SPON1: variants seen among roughly 807,000 people sequenced by gnomAD.
The protein encoded by SPON1 is spondin-1.
SPON1 carries 52 observed loss-of-function variants against 111.7 expected under a neutral mutation model. That is an observed-to-expected ratio of 0.47 (90% CI 0.37 to 0.59). The LOEUF (loss-of-function observed/expected upper bound fraction) is 0.59, where lower values mean the gene tolerates loss of function less well. Ranked by LOEUF, SPON1 falls within the 20% of genes least tolerant of loss-of-function variation. The pLI is 0.00. For synonymous variants in SPON1, 410 were observed against 395.8 expected, an observed-to-expected ratio of 1.04 and a Z score of -0.43; for missense variants, 957 against 1,068.5, an observed-to-expected ratio of 0.90 and a Z score of 1.46.
intron 5 of SPON1, among the ~76,000 whole-genome samples, chr11:14,123,097 GT>G (rs1219202679): frequency 1.3e-5 from 2 of 151,698 alleles, no homozygotes; most frequent in Admixed American, 1.3e-4. Context: ...TGCCCAGCTA[GT>G]TTTTAAAAAA....
At chr11:14,095,219 TG>T (rs1261090004) in intron 5 of SPON1, among the ~76,000 whole-genome samples, 3 of 152,198 alleles carry the variant, frequency 2.0e-5, no homozygotes, top group African/African-American at 7.2e-5. Context: ...ATGTTTAGCT[TG>T]TCTAGTTTTT....
In SPON1 at chr11:14,266,034, T is replaced by C; in HGVS notation, c.*347T>C. 1 of 201,082 alleles carries C rather than the reference T, an allele frequency of 5.0e-6. No individual in the cohort carries two copies. The highest frequency in any genetic ancestry group is 1.0e-5 in the Non-Finnish European group (1 of 97,892). The allele number at this position is 201,082 out of a possible 1,614,324, so 12.5% of individuals were successfully genotyped here. On this transcript the variant is annotated 3_prime_UTR_variant, in exon 16 of 16. Transcript: ENST00000576479. ...AGGCAACCATGTCTGGAAGTGACTATGCCTGAGTCCCAGGGTGCGGCAGGT... is the reference window on the plus strand; with the variant it reads ...AGGCAACCATGTCTGGAAGTGACTACGCCTGAGTCCCAGGGTGCGGCAGGT...
At chr11:14,193,662 TC>T (rs1424705903) in intron 6 of SPON1, among the ~76,000 whole-genome samples, 2 of 152,122 alleles carry the variant, frequency 1.3e-5, no homozygotes, top group South Asian at 2.1e-4. Flanking sequence ...TCTCTGGCCC[TC>T]CTCAGACAAG....
At chr11:14,100,972 G>T (rs181047224) in intron 5 of SPON1, among the ~76,000 whole-genome samples, 2 of 152,110 alleles carry the variant, frequency 1.3e-5, no homozygotes, top group African/African-American at 2.4e-5. Flanking sequence ...TTGCTTCCTA[G>T]GTGATCAAAT....
intron 2 of SPON1, among the ~76,000 whole-genome samples, chr11:14,024,349 T>A (rs1848502145): frequency 1.3e-5 from 2 of 152,168 alleles, no homozygotes. Context: ...TTGCCCAGTG[T>A]ACCAGAAAAA....
intron 6 of SPON1, among the ~76,000 whole-genome samples, chr11:14,201,069 G>A (rs545245272): frequency 2.6e-5 from 4 of 152,078 alleles, no homozygotes; most frequent in Admixed American, 1.3e-4. Context: ...GGCCAGGTGC[G>A]GTGGCTCACA....
At chr11:14,107,583 T>G (rs1275489330) in intron 5 of SPON1, among the ~76,000 whole-genome samples, 2 of 97,242 alleles carry the variant, frequency 2.1e-5, no homozygotes, top group African/African-American at 8.7e-5. Context: ...GAAGGCAAGA[T>G]CCTCAGGAAA....
chr11:14,002,553 G>A (rs916127672), intron 2 of SPON1, among the ~76,000 whole-genome samples: 3 of 152,160 alleles, frequency 2.0e-5, no homozygotes, highest in Non-Finnish European at 2.9e-5. Context: ...GAGGAATGTG[G>A]TAGGGAGTCC....
chr11:14,080,702 TCAAGGTCAACAAATACTCTG>T (rs1848956104), intron 5 of SPON1, among the ~76,000 whole-genome samples: 1 of 152,112 alleles, frequency 6.6e-6, no homozygotes, highest in Non-Finnish European at 1.5e-5. Flanking sequence ...ACTCTATAGG[TCAAGGTCAACAAATACTCTG>T]CTATCATAGG....
intron 3 of SPON1, among the ~76,000 whole-genome samples, chr11:14,046,852 T>C (rs1293179659): frequency 6.6e-6 from 1 of 152,236 alleles, no homozygotes; most frequent in Non-Finnish European, 1.5e-5. Context: ...TCCATATTTA[T>C]TTTGGTCTTT....
At chr11:14,217,717 A>G (rs1848640529) in intron 6 of SPON1, among the ~76,000 whole-genome samples, 1 of 152,186 alleles carries the variant, frequency 6.6e-6, no homozygotes, top group Non-Finnish European at 1.5e-5. Context: ...TCTTAGGCAA[A>G]ATATTGAGAT....
chr11:13,976,144 G>A (rs1764865427), intron 1 of SPON1, among the ~76,000 whole-genome samples: 1 of 152,140 alleles, frequency 6.6e-6, no homozygotes, highest in African/African-American at 2.4e-5. Flanking sequence ...TGGTAGCTCT[G>A]GGATTCTAAT....
chr11:13,976,923 T>C (rs1182493174), intron 1 of SPON1, among the ~76,000 whole-genome samples: 1 of 152,214 alleles, frequency 6.6e-6, no homozygotes, highest in Non-Finnish European at 1.5e-5. Context: ...GTTTTTGAGC[T>C]TTATGTAAAT....
chr11:14,133,869 C>T (rs1021385091), intron 5 of SPON1, among the ~76,000 whole-genome samples: 5 of 152,136 alleles, frequency 3.3e-5, no homozygotes, highest in Admixed American at 1.3e-4. Flanking sequence ...TGGGCAAACC[C>T]GCATGGTGAT....
chr11:14,168,589 G>T (rs1046724520), intron 6 of SPON1, among the ~76,000 whole-genome samples: 3 of 151,990 alleles, frequency 2.0e-5, no homozygotes, highest in South Asian at 2.1e-4. Context: ...AGCCATGTTG[G>T]TGTGCTGCAC....
rs782399245 is a variant in SPON1, at chr11:14,263,021, G to A, written c.2260+46G>A. On this transcript the variant is annotated intron_variant, in intron 15 of 15. Coordinates refer to ENST00000576479, the MANE Select transcript of SPON1 (RefSeq NM_006108.4). ...CCTGGGTGGTCTCCAGGACAGGCAG[G>A]GTTCTGCACTGGGCTAAGTCTTGGA... is the stretch of plus-strand genomic sequence containing the variant. The A allele has an allele frequency of 5.0e-6, 8 of 1,592,476 alleles. No homozygotes were observed. The Admixed American group carries it at 1.2e-4, about 24-fold the overall frequency.
chr11:14,161,221 A>ATATATATATCTATATATTTATATATATC, intron 6 of SPON1, among the ~76,000 whole-genome samples: 1 of 75,714 alleles, frequency 1.3e-5, no homozygotes, highest in Non-Finnish European at 2.6e-5. Flanking sequence ...ATATATATCT[A>ATATATATATCTATATATTTATATATATC]TATATATTTA....
chr11:14,122,515 CCTT>C (rs1847402903), intron 5 of SPON1, among the ~76,000 whole-genome samples: 1 of 152,230 alleles, frequency 6.6e-6, no homozygotes, highest in Non-Finnish European at 1.5e-5. Context: ...TCTATTCTCT[CCTT>C]CTGGAACTCC....
intron 3 of SPON1, among the ~76,000 whole-genome samples, chr11:14,050,059 T>C (rs978730094): frequency 7.2e-5 from 11 of 152,172 alleles, no homozygotes; most frequent in African/African-American, 2.7e-4. Flanking sequence ...CTGGGTTTCA[T>C]GTAAATGTTA....
Sources: gnomAD v4.1 joint callset for allele counts (sites outside exome capture counted in the v4.1 genomes callset) on GRCh38, gnomAD v4.1.1 for gene constraint, MANE v1.5 for transcripts, NCBI Gene and HGNC (gene_info 2026-07-23, HGNC 2026-07-21) for gene names.